Variants in FAM53A observed in about 807,000 individuals in gnomAD.
FAM53A encodes family with sequence similarity 53 member A.
Under a neutral mutation model 26.6 loss-of-function variants are expected in FAM53A, and 28 were observed. The ratio of observed to expected loss-of-function variants is 1.05; its 90% CI spans 0.78 to 1.45. FAM53A has a LOEUF of 1.45. Ranked by LOEUF, FAM53A falls within the 40% of genes most tolerant of loss-of-function variation. FAM53A has a pLI of 0.00. For synonymous variants in FAM53A, 290 were observed against 253.1 expected (o/e 1.15, Z -1.38); for missense variants, 650 against 575.8 (o/e 1.13, Z -1.32).
At chr4:1,680,785 T>TA (rs1428039187) in intron 1 of FAM53A, among the ~76,000 whole-genome samples, 2 of 148,494 alleles carry the variant, frequency 1.3e-5, no homozygotes, top group Non-Finnish European at 2.9e-5. Flanking sequence ...GGAGACTATT[T>TA]AAAAAAACAA....
chr4:1,586,806 A>T, the FAM53A span, among the ~76,000 whole-genome samples: 1 of 150,400 alleles, frequency 6.6e-6, no homozygotes, highest in Non-Finnish European at 1.5e-5. Flanking sequence ...AAAGAAGAAG[A>T]AGTTGAATTG....
intron 1 of FAM53A, among the ~76,000 whole-genome samples, chr4:1,673,732 C>CA (rs1204313853): frequency 2.0e-5 from 3 of 151,302 alleles, no homozygotes; most frequent in Admixed American, 6.6e-5. Context: ...GACTCCGTTT[C>CA]AAAAAAAAAT....
rs527533643 is a variant in FAM53A, at chr4:1,622,745, A to G, written c.432-4634T>C. ...AGGCTGGGAGTCAGATCCTGCCCGC[A>G]GCCATCTCTGCCTCCCTCAGACTCA... On this transcript the variant is annotated intron_variant, in intron 1 of 1. Transcript: ENST00000489029. Among the ~76,000 whole-genome samples, 607 of 152,228 alleles carry G rather than the reference A, an allele frequency of 4.0e-3. 27 individuals carry two copies. Among genetic ancestry groups the G allele is most frequent in the Admixed American group, 0.037 (571 of 15,294 alleles).
At chr4:1,666,324 C>G (rs1370651601) in intron 2 of FAM53A, among the ~76,000 whole-genome samples, 2 of 141,860 alleles carry the variant, frequency 1.4e-5, no homozygotes, top group Admixed American at 7.0e-5. Context: ...CCCCCTGTAT[C>G]TAAAATAAAA....
Position 1,671,497 on chromosome 4 carries a change from TCACAGC to T in FAM53A, c.-164-2598_-164-2593del, listed in dbSNP as rs2109017323. ...CTGTCCCAGCGTCAGAGCCCCCAGCTCACAGCCACAGCCACGGCCCGGACTCACCTC... is the reference window on the plus strand; with the variant it reads ...CTGTCCCAGCGTCAGAGCCCCCAGCTCACAGCCACGGCCCGGACTCACCTC... On this transcript the variant is annotated intron_variant, in intron 1 of 4. Coordinates refer to ENST00000308132, the MANE Select transcript of FAM53A (RefSeq NM_001174070.3). Among the ~76,000 whole-genome samples, 2 of 5,954 alleles carry T rather than the reference TCACAGC, an allele frequency of 3.4e-4. 1 individual carries two copies. The highest frequency in any genetic ancestry group is 4.6e-4 in the African/African-American group (2 of 4,358). 3.9% of individuals were successfully genotyped at this position (5,954 alleles called of 152,430 possible).
the FAM53A span, among the ~76,000 whole-genome samples, chr4:1,577,800 A>T: frequency 2.6e-5 from 4 of 152,188 alleles, no homozygotes; most frequent in Admixed American, 1.3e-4. Flanking sequence ...TAGCACCTTA[A>T]TTAGAGGGAC....
At chr4:1,652,706 A>T (rs1577119797) in intron 4 of FAM53A, among the ~76,000 whole-genome samples, 1 of 138,818 alleles carries the variant, frequency 7.2e-6, no homozygotes, top group Non-Finnish European at 1.6e-5. Context: ...CCACACACAG[A>T]ACACACACCA....
chr4:1,655,456 G>T lies in FAM53A; in HGVS notation c.404C>A (p.Ser135Tyr). The change falls in exon 4 of 5, where the codon TCC becomes TAC. Residue 135 changes from serine to tyrosine, a missense_variant. Coordinates refer to ENST00000308132, the MANE Select transcript of FAM53A (RefSeq NM_001174070.3). ...CTTGGAGCTGCCGGGGCGCCAGGGG[G>T]ACCGGCAGCGCACAAGCTCCTCGGG... ...SEPEELVRCR[S>Y]PWRPGSSKVW... 1 of 1,549,502 alleles carries T rather than the reference G, an allele frequency of 6.5e-7. No individual in the cohort carries two copies. The highest frequency in any genetic ancestry group is 1.4e-5 in the African/African-American group (1 of 72,042).
In FAM53A at chr4:1,655,278, G is replaced by T; in HGVS notation, c.582C>A (p.Phe194Leu). The T allele has an allele frequency of 7.0e-7, 1 of 1,426,842 alleles. No individual in the cohort carries two copies. The highest frequency in any genetic ancestry group is 9.1e-7 in the Non-Finnish European group (1 of 1,096,772). 88.4% of individuals were successfully genotyped at this position (1,426,842 alleles called of 1,614,324 possible). ...CCGCACTGCCCTCGCTGCTGTCCAC[G>T]AAGCCGCCGCTGGCGGAGGACGGCC... is the stretch of plus-strand genomic sequence containing the variant. ...TPRPSSASGG[F>L]VDSSEGSAGS... is the part of the protein sequence containing the mutation. The change falls in exon 4 of 5, where the codon TTC becomes TTA. Residue 194 changes from phenylalanine to leucine, a missense_variant. Transcript: ENST00000308132.
chr4:1,654,435 T>C (rs1053251093), intron 4 of FAM53A, among the ~76,000 whole-genome samples: 4 of 152,158 alleles, frequency 2.6e-5, no homozygotes, highest in African/African-American at 2.4e-5. Flanking sequence ...TTCAAGTGGG[T>C]GAAGGCTCTC....
intron 2 of FAM53A, among the ~76,000 whole-genome samples, chr4:1,663,476 C>G (rs1714003126): frequency 6.6e-6 from 1 of 152,124 alleles, no homozygotes. Context: ...GGTCCAAAAA[C>G]AGAGGAACGG....
At chr4:1,605,225 C>T in the FAM53A span, among the ~76,000 whole-genome samples, 5 of 152,208 alleles carry the variant, frequency 3.3e-5, no homozygotes, top group Admixed American at 2.6e-4. The surrounding 1 kb of genome is among the most constrained non-coding windows in gnomAD (Gnocchi z 5.7). Flanking sequence ...CGCTCCACAA[C>T]GTCGGAGGCA....
intron 1 of FAM53A, among the ~76,000 whole-genome samples, chr4:1,672,387 G>A (rs1014388120): frequency 1.3e-5 from 2 of 151,954 alleles, no homozygotes; most frequent in Admixed American, 6.6e-5. Flanking sequence ...CACGAACCCA[G>A]GAATCAGGAA....
intron 3 of FAM53A, 30 bp downstream of exon 3, chr4:1,657,378 G>A: frequency 6.2e-7 from 1 of 1,605,650 alleles, no homozygotes; most frequent in Non-Finnish European, 8.5e-7. Context: ...CCCTGCTCAG[G>A]CCTCCGGCCA....
chr4:1,628,787 A>G (rs1444855580), intron 1 of FAM53A, among the ~76,000 whole-genome samples: 6 of 8,118 alleles, frequency 7.4e-4, no homozygotes, highest in East Asian at 3.6e-3. Context: ...GCATGGGGGG[A>G]GGGTGCCATG....
At chr4:1,621,519 G>A (rs376597221) in intron 1 of FAM53A, among the ~76,000 whole-genome samples, 67 of 152,332 alleles carry the variant, frequency 4.4e-4, no homozygotes, top group East Asian at 2.1e-3. Flanking sequence ...GTTGGGAGGT[G>A]GGGCCCAGCA....
In FAM53A at chr4:1,652,522, T is replaced by A. The variant is rs547635042; in HGVS notation, c.882+2456A>T. Among the ~76,000 whole-genome samples, 623 of 115,950 alleles carry A rather than the reference T, an allele frequency of 5.4e-3. 5 individuals carry two copies. Among genetic ancestry groups the A allele is most frequent in the African/African-American group, 0.021 (600 of 29,204 alleles). 76.1% of individuals were successfully genotyped at this position (115,950 alleles called of 152,430 possible). A position where few individuals can be genotyped will look rare whatever the true frequency, so the allele number is the denominator to read the frequency against. On this transcript the variant is annotated intron_variant, in intron 4 of 4. Coordinates refer to ENST00000308132, the MANE Select transcript of FAM53A (RefSeq NM_001174070.3). ...AACACACCACACATTCCACACACCA[T>A]ATACTCTACCATACACACAGGCCAC...
intron 1 of FAM53A, among the ~76,000 whole-genome samples, chr4:1,681,761 C>T (rs566260380): frequency 1.3e-4 from 20 of 152,180 alleles, no homozygotes; most frequent in African/African-American, 4.8e-4. Flanking sequence ...CCTCAGCCTT[C>T]CAAAATGCTG....
At chr4:1,670,178 C>T (rs1560197813) in intron 1 of FAM53A, among the ~76,000 whole-genome samples, 1 of 152,264 alleles carries the variant, frequency 6.6e-6, no homozygotes, top group Non-Finnish European at 1.5e-5. Flanking sequence ...AGTAAAAGGG[C>T]AAAGGAGACT....
Sources: allele counts gnomAD v4.1 joint callset (sites outside exome capture counted in the v4.1 genomes callset), GRCh38; gene constraint gnomAD v4.1.1; non-coding constraint Gnocchi (gnomAD v3.1); transcripts MANE v1.5; gene names NCBI Gene and HGNC (gene_info 2026-07-23, HGNC 2026-07-21).